The following SOX6 variants were observed in gnomAD, a reference collection of about 807,000 sequenced individuals.
SOX6 encodes the protein SRY-box transcription factor 6, also known as transcription factor SOX-6.
Under a neutral mutation model 97.8 loss-of-function variants are expected in SOX6, and 11 were observed. The observed-to-expected ratio is 0.11, with a 90% CI of 0.07 to 0.19. The LOEUF is 0.19. Ranked by LOEUF, SOX6 falls within the 10% of genes least tolerant of loss-of-function variation. SOX6 has a pLI of 1.00. For missense variants in SOX6, 810 were observed against 1,039.5 expected (o/e 0.78, Z 3.04); for synonymous variants, 360 against 371.4 (o/e 0.97, Z 0.35).
intron 12 of SOX6, among the ~76,000 whole-genome samples, chr11:16,021,700 T>C (rs909390880): frequency 1.3e-5 from 2 of 152,068 alleles, no homozygotes; most frequent in African/African-American, 2.4e-5. Context: ...ATTTGTCTAG[T>C]TTCTCATACA....
At chr11:16,059,314 A>T (rs780743449) in intron 9 of SOX6, among the ~76,000 whole-genome samples, 28 of 152,162 alleles carry the variant, frequency 1.8e-4, no homozygotes, top group Non-Finnish European at 2.5e-4. Flanking sequence ...CTTCATTCAA[A>T]TATTTTCTTT....
intron 3 of SOX6, among the ~76,000 whole-genome samples, chr11:16,694,351 G>A (rs1041690985): frequency 3.3e-5 from 5 of 152,104 alleles, no homozygotes; most frequent in African/African-American, 1.2e-4. Context: ...AACACAGAGA[G>A]ACTGTGCCAC....
chr11:16,344,456 A>C (rs936258904), intron 1 of SOX6, among the ~76,000 whole-genome samples: 2 of 151,936 alleles, frequency 1.3e-5, no homozygotes, highest in Admixed American at 1.3e-4. Context: ...TACTCAACCA[A>C]CCAAACTGTA....
chr11:16,603,019 T>C (rs1324235920), intron 4 of SOX6, among the ~76,000 whole-genome samples: 6 of 150,922 alleles, frequency 4.0e-5, no homozygotes, highest in Non-Finnish European at 8.8e-5. Flanking sequence ...AGATTCCGTC[T>C]CAAATAAAAA....
intron 9 of SOX6, among the ~76,000 whole-genome samples, chr11:16,059,892 A>C (rs188736361): frequency 3.3e-5 from 5 of 152,108 alleles, no homozygotes; most frequent in Admixed American, 3.3e-4. Context: ...GCAGTGAAAA[A>C]AAGTTCTATA....
Position 15,980,652 on chromosome 11 carries a change from AT to A in SOX6, c.2183+5551del, listed in dbSNP as rs760511652. ...TTTTTTTACTATTGAATATATCCACATTTTCCCCCAGGTGTTCATGCTCTCC... is the reference window on the plus strand; with the variant it reads ...TTTTTTTACTATTGAATATATCCACATTTCCCCCAGGTGTTCATGCTCTCC... On this transcript the variant is annotated intron_variant, in intron 15 of 15. Coordinates refer to ENST00000683767, the MANE Select transcript of SOX6 (RefSeq NM_001367873.1). 1.4e-3 allele frequency among the ~76,000 whole-genome samples: 220 copies of A among 151,938 alleles called. 8 individuals are homozygous for A. The highest frequency in any genetic ancestry group is 7.1e-4 in the Non-Finnish European group (48 of 67,898).
At chr11:16,289,051 T>C (rs1854832091) in intron 3 of SOX6, among the ~76,000 whole-genome samples, 1 of 151,766 alleles carries the variant, frequency 6.6e-6, no homozygotes, top group Admixed American at 6.6e-5. Context: ...AATGAATTTA[T>C]TGAGAAAAAA....
intron 3 of SOX6, among the ~76,000 whole-genome samples, chr11:16,293,464 C>T (rs909830712): frequency 2.0e-5 from 3 of 152,114 alleles, no homozygotes; most frequent in African/African-American, 7.2e-5. Context: ...GATCAGTAAT[C>T]ATTTCTAAGA....
intron 12 of SOX6, among the ~76,000 whole-genome samples, chr11:16,019,396 G>GA (rs1854985744): frequency 2.6e-5 from 4 of 152,016 alleles, no homozygotes; most frequent in Admixed American, 2.6e-4. Context: ...GAATATGGGG[G>GA]ATCATTCACG....
intron 3 of SOX6, among the ~76,000 whole-genome samples, chr11:16,677,700 T>G (rs866538398): frequency 6.6e-6 from 1 of 152,210 alleles, no homozygotes; most frequent in East Asian, 1.9e-4. Flanking sequence ...GTTGTATGTA[T>G]GGTTTTGGTG....
At chr11:16,024,984 T>C (rs573506449) in intron 12 of SOX6, among the ~76,000 whole-genome samples, 9 of 152,270 alleles carry the variant, frequency 5.9e-5, no homozygotes, top group South Asian at 2.1e-4. Context: ...CATCAGATGA[T>C]AAATGATACA....
intron 4 of SOX6, chr11:16,484,685 C>G: frequency 1.6e-6 from 1 of 608,638 alleles, no homozygotes; most frequent in Admixed American, 2.5e-5. Context: ...TGCTGCGCTC[C>G]CCAGACTCCC....
chr11:16,541,518 A>G (rs1861408286), intron 4 of SOX6, among the ~76,000 whole-genome samples: 1 of 152,214 alleles, frequency 6.6e-6, no homozygotes, highest in African/African-American at 2.4e-5. Flanking sequence ...CTATCATCAG[A>G]GTGAACAAGC....
intron 2 of SOX6, among the ~76,000 whole-genome samples, chr11:16,718,994 A>G (rs1848239267): frequency 6.6e-6 from 1 of 151,482 alleles, no homozygotes; most frequent in African/African-American, 2.4e-5. Flanking sequence ...AAAAAAAAAA[A>G]AAAGAGAGAG....
intron 3 of SOX6, among the ~76,000 whole-genome samples, chr11:16,653,571 T>C (rs768530115): frequency 1.2e-4 from 19 of 152,100 alleles, no homozygotes; most frequent in Non-Finnish European, 2.6e-4. Context: ...AAATAAGCTA[T>C]GAGGATACAA....
intron 4 of SOX6, among the ~76,000 whole-genome samples, chr11:16,497,741 A>C (rs1860627984): frequency 6.8e-6 from 1 of 147,116 alleles, no homozygotes; most frequent in African/African-American, 2.5e-5. Flanking sequence ...AATGAATGAA[A>C]TGAAGCGAGA....
At chr11:16,732,732 C>A (rs1044528671) in intron 2 of SOX6, among the ~76,000 whole-genome samples, 1 of 152,142 alleles carries the variant, frequency 6.6e-6, no homozygotes, top group Non-Finnish European at 1.5e-5. Flanking sequence ...CCAAAACTGA[C>A]AAATAGGATC....
At chr11:16,507,316 A>C (rs1860804967) in intron 4 of SOX6, among the ~76,000 whole-genome samples, 1 of 152,130 alleles carries the variant, frequency 6.6e-6, no homozygotes, top group Non-Finnish European at 1.5e-5. Flanking sequence ...ATAAGAAAAG[A>C]CTAATACAAT....
intron 1 of SOX6, among the ~76,000 whole-genome samples, chr11:16,410,207 CTAAA>C (rs1858775913): frequency 1.3e-5 from 2 of 151,888 alleles, no homozygotes; most frequent in African/African-American, 4.8e-5. Flanking sequence ...TACCCAAAAA[CTAAA>C]TAAAGAAATT....
Sources: gnomAD v4.1 joint callset for allele counts (sites outside exome capture counted in the v4.1 genomes callset) on GRCh38, gnomAD v4.1.1 for gene constraint, MANE v1.5 for transcripts, NCBI Gene and HGNC (gene_info 2026-07-23, HGNC 2026-07-21) for gene names.